Variants in MICU3 observed in about 807,000 individuals in gnomAD.
MICU3 encodes the protein mitochondrial calcium uptake 3, also known as calcium uptake protein 3, mitochondrial.
MICU3 carries 62 observed loss-of-function variants against 66.5 expected under a neutral mutation model. The observed-to-expected ratio is 0.93, with a 90% CI of 0.76 to 1.15. The LOEUF is 1.15. MICU3 is among the 50% of genes most tolerant of loss of function. MICU3 has a pLI of 0.00. For synonymous variants in MICU3, 308 were observed against 240.7 expected, an observed-to-expected ratio of 1.28 and a Z score of -2.59; for missense variants, 779 against 664.4, an observed-to-expected ratio of 1.17 and a Z score of -1.90.
chr8:17,034,510 T>A (rs928623621), intron 1 of MICU3, among the ~76,000 whole-genome samples: 4 of 152,246 alleles, frequency 2.6e-5, no homozygotes, highest in African/African-American at 9.6e-5. Flanking sequence ...GCAAAGTGAA[T>A]TGAAAACTTT....
intron 1 of MICU3, among the ~76,000 whole-genome samples, chr8:17,057,159 G>A (rs1285627968): frequency 1.3e-5 from 2 of 152,202 alleles, no homozygotes; most frequent in Non-Finnish European, 2.9e-5. Context: ...GCATTAAGGA[G>A]ATCTGGTAAG....
At chr8:17,061,103 C>G (rs1250375017) in intron 1 of MICU3, among the ~76,000 whole-genome samples, 1 of 152,122 alleles carries the variant, frequency 6.6e-6, no homozygotes, top group Admixed American at 6.6e-5. Flanking sequence ...GTAACAATCA[C>G]AGGGCATTAC....
At position 17,027,651 on chromosome 8, in the gene MICU3, C is replaced by A; in HGVS notation, c.372C>A (p.Ala124=). 1 of 1,300,290 alleles carries A rather than the reference C, an allele frequency of 7.7e-7. No individual in the cohort carries two copies. The highest frequency in any genetic ancestry group is 2.4e-5 in the South Asian group (1 of 42,468). 80.5% of individuals were successfully genotyped at this position (1,300,290 alleles called of 1,614,324 possible). A position where few individuals can be genotyped will look rare whatever the true frequency, so the allele number is the denominator to read the frequency against. The change falls in exon 1 of 15, where the codon GCC becomes GCA. Residue 124 remains alanine, a synonymous_variant. Coordinates refer to ENST00000318063, the MANE Select transcript of MICU3 (RefSeq NM_181723.3). ...TGCTGCCCATCCCAGTGGCGGCTGCCAAGGAGACGGTGAGTGCGCGAGCGC... is the reference window on the plus strand; with the variant it reads ...TGCTGCCCATCCCAGTGGCGGCTGCAAAGGAGACGGTGAGTGCGCGAGCGC... ...RGMLPIPVAA[A]KETVAIGRTD...
intron 11 of MICU3, among the ~76,000 whole-genome samples, chr8:17,110,916 T>C (rs1183620326): frequency 6.6e-6 from 1 of 152,190 alleles, no homozygotes; most frequent in African/African-American, 2.4e-5. Flanking sequence ...GTAGTATGTA[T>C]CAGTATTTCA....
At chr8:17,087,196 T>C (rs1333785319) in intron 7 of MICU3, among the ~76,000 whole-genome samples, 161 bp downstream of exon 7, 1 of 152,076 alleles carries the variant, frequency 6.6e-6, no homozygotes. Flanking sequence ...TTTATATGCA[T>C]TGATATCAAT....
chr8:17,124,344 C>T (rs983512167), downstream of MICU3, among the ~76,000 whole-genome samples: 2 of 151,818 alleles, frequency 1.3e-5, no homozygotes, highest in Non-Finnish European at 2.9e-5. Flanking sequence ...TAATTAACTT[C>T]TCCCAGACTG....
chr8:17,044,234 G>C (rs570379869), intron 1 of MICU3, among the ~76,000 whole-genome samples: 42 of 152,292 alleles, frequency 2.8e-4, no homozygotes, highest in African/African-American at 8.4e-4. Context: ...TTCATTATCT[G>C]AATGTCAGAT....
rs147916758 is a variant in MICU3 at position 17,057,996 on chromosome 8, C to T, written c.382-6088C>T. ...CCAAGTAGCTGAGATTACAGGCACT[C>T]GCCACCACACCTGGCTAATTTTTCT... On this transcript the variant is annotated intron_variant, in intron 1 of 14. Transcript: ENST00000318063. Among the ~76,000 whole-genome samples the T allele has an allele frequency of 2.3e-3, 349 of 152,124 alleles. 2 individuals are homozygous for T. Among genetic ancestry groups the T allele is most frequent in the African/African-American group, 7.9e-3 (327 of 41,510 alleles).
At chr8:17,031,973 T>C (rs1812155578) in intron 1 of MICU3, among the ~76,000 whole-genome samples, 1 of 152,260 alleles carries the variant, frequency 6.6e-6, no homozygotes, top group African/African-American at 2.4e-5. Flanking sequence ...GGAGAGGCAC[T>C]GTGTTCGTCT....
chr8:17,065,493 G>C (rs1283284608), intron 2 of MICU3, among the ~76,000 whole-genome samples: 2 of 152,146 alleles, frequency 1.3e-5, no homozygotes, highest in Admixed American at 1.3e-4. Context: ...ACTAGGCCTT[G>C]AGGAATTTCT....
At chr8:17,077,286 A>G (rs959672450) in intron 3 of MICU3, among the ~76,000 whole-genome samples, 3 of 152,074 alleles carry the variant, frequency 2.0e-5, no homozygotes, top group African/African-American at 7.2e-5. Context: ...CCGTTAAAAT[A>G]CTCTTCATTC....
intron 2 of MICU3, among the ~76,000 whole-genome samples, 158 bp downstream of exon 2, chr8:17,064,395 ACT>A: frequency 6.6e-6 from 1 of 152,036 alleles, no homozygotes; most frequent in East Asian, 1.9e-4. Flanking sequence ...TTTCTTACAA[ACT>A]CTTACTCACA....
chr8:17,105,356 C>G (rs1801651292), intron 10 of MICU3, 57 bp from the exon 11 acceptor site: 1 of 1,031,008 alleles, frequency 9.7e-7, no homozygotes, highest in East Asian at 2.6e-5. Context: ...TTGCTCATCT[C>G]CTGTTACGAT....
At chr8:17,037,102 C>G (rs564406722) in intron 1 of MICU3, among the ~76,000 whole-genome samples, 67 of 152,346 alleles carry the variant, frequency 4.4e-4, no homozygotes, top group African/African-American at 1.5e-3. Context: ...GGCTGGCCGG[C>G]TGCTCCGACT....
chr8:17,037,378 C>G (rs1813219494), intron 1 of MICU3, among the ~76,000 whole-genome samples: 2 of 152,224 alleles, frequency 1.3e-5, no homozygotes, highest in South Asian at 4.1e-4. Context: ...GCTGTCACCT[C>G]TCACCTTGCT....
At position 17,027,624 on chromosome 8, in the gene MICU3, G is replaced by T. The variant is rs905735019; in HGVS notation, c.345G>T (p.Gly115=). The T allele has an allele frequency of 5.3e-6, 7 of 1,309,854 alleles. No individual in the cohort carries two copies. In the Admixed American group the frequency reaches 1.2e-4, roughly 22 times the overall value. The allele number at this position is 1,309,854 out of a possible 1,614,324, so 81.1% of individuals were successfully genotyped here. A position where few individuals can be genotyped will look rare whatever the true frequency, so the allele number is the denominator to read the frequency against. ...TEPEDPPRGR[G]MLPIPVAAAK... ...CCGAGGACCCGCCCCGCGGCCGGGG[G>T]ATGCTGCCCATCCCAGTGGCGGCTG... The change falls in exon 1 of 15, where the codon GGG becomes GGT. Residue 115 remains glycine, a synonymous_variant. Coordinates refer to ENST00000318063, the MANE Select transcript of MICU3 (RefSeq NM_181723.3).
At chr8:17,063,355 T>C (rs1818164297) in intron 1 of MICU3, among the ~76,000 whole-genome samples, 1 of 152,140 alleles carries the variant, frequency 6.6e-6, no homozygotes, top group Non-Finnish European at 1.5e-5. Flanking sequence ...AAAATTATAC[T>C]TAACAAATTT....
chr8:17,130,274 C>T, the MICU3 span, among the ~76,000 whole-genome samples: 5 of 152,024 alleles, frequency 3.3e-5, no homozygotes, highest in African/African-American at 9.7e-5. Context: ...CCTGTAATCC[C>T]AGCACTTTGG....
the MICU3 span, among the ~76,000 whole-genome samples, chr8:17,130,210 T>C: frequency 6.6e-6 from 1 of 152,236 alleles, no homozygotes; most frequent in African/African-American, 2.4e-5. Flanking sequence ...AAATATACAA[T>C]GTTTTCCCTT....
Sources: allele counts gnomAD v4.1 joint callset (sites outside exome capture counted in the v4.1 genomes callset), GRCh38; gene constraint gnomAD v4.1.1; transcripts MANE v1.5; gene names NCBI Gene and HGNC (gene_info 2026-07-23, HGNC 2026-07-21).